SLC24A4: variants seen among roughly 807,000 people sequenced by gnomAD.
SLC24A4 encodes solute carrier family 24 member 4, also known as sodium/potassium/calcium exchanger 4.
In SLC24A4, 53 loss-of-function variants were observed where a neutral mutation model predicts 79.0. That is an observed-to-expected ratio of 0.67 (90% CI 0.54 to 0.84). SLC24A4 has a LOEUF of 0.84. Among genes scored for constraint, SLC24A4 ranks in the 40% least tolerant of loss-of-function variants. The probability of loss-of-function intolerance (pLI) is 0.00; values close to 1 mark genes in which losing one functional copy is unlikely to be tolerated. For synonymous variants in SLC24A4, 323 were observed against 323.8 expected (o/e 1.00, Z 0.03); for missense variants, 731 against 822.0 (o/e 0.89, Z 1.35).
chr14:92,384,747 T>G, intron 2 of SLC24A4, among the ~76,000 whole-genome samples: 1 of 152,290 alleles, frequency 6.6e-6, no homozygotes, highest in Non-Finnish European at 1.5e-5. Context: ...AGTGACCTAC[T>G]GGCAGGATGC....
At chr14:92,479,505 A>C (rs1415469792) in intron 12 of SLC24A4, among the ~76,000 whole-genome samples, 2 of 152,218 alleles carry the variant, frequency 1.3e-5, no homozygotes, top group African/African-American at 4.8e-5. Context: ...AATGTTTTAC[A>C]TTGATTGAAT....
intron 2 of SLC24A4, among the ~76,000 whole-genome samples, chr14:92,341,281 G>A (rs1170035300): frequency 2.6e-5 from 4 of 152,168 alleles, no homozygotes; most frequent in Admixed American, 6.5e-5. Flanking sequence ...GCCTGACCCT[G>A]GGGACGTGAA....
At chr14:92,343,653 T>TTCCTTCCCTCCTTCC in intron 2 of SLC24A4, among the ~76,000 whole-genome samples, 1 of 34,256 alleles carries the variant, frequency 2.9e-5, no homozygotes, top group Non-Finnish European at 7.9e-5. Flanking sequence ...TCTTTCCTTC[T>TTCCTTCCCTCCTTCC]TTCCTTCCTT....
chr14:92,402,846 T>G (rs1890182537), intron 2 of SLC24A4, among the ~76,000 whole-genome samples: 1 of 152,132 alleles, frequency 6.6e-6, no homozygotes, highest in Non-Finnish European at 1.5e-5. Context: ...CTACAACACC[T>G]GGGAATTCGA....
At chr14:92,362,239 TC>T (rs1262924952) in intron 2 of SLC24A4, among the ~76,000 whole-genome samples, 1 of 81,678 alleles carries the variant, frequency 1.2e-5, no homozygotes, top group African/African-American at 3.5e-5. Context: ...TCCAGCCTTT[TC>T]CTCCCCGGCT....
intron 12 of SLC24A4, among the ~76,000 whole-genome samples, chr14:92,464,776 T>C (rs1894009148): frequency 6.6e-6 from 1 of 152,248 alleles, no homozygotes; most frequent in Non-Finnish European, 1.5e-5. Context: ...TCACGCTTCA[T>C]ACGTCCCCTT....
intron 2 of SLC24A4, among the ~76,000 whole-genome samples, chr14:92,427,084 C>T (rs1891603480): frequency 6.6e-6 from 1 of 152,362 alleles, no homozygotes; most frequent in Non-Finnish European, 1.5e-5. Flanking sequence ...TCACAGAAAG[C>T]ACATCTCTGT....
At chr14:92,470,375 A>ATCCCTT (rs1392672351) in intron 12 of SLC24A4, among the ~76,000 whole-genome samples, 1 of 152,196 alleles carries the variant, frequency 6.6e-6, no homozygotes, top group African/African-American at 2.4e-5. Flanking sequence ...GCATCCCTGC[A>ATCCCTT]AACCACAGGT....
rs574991835 is a variant in SLC24A4 at position 92,404,536 on chromosome 14, G to A, written c.242-29376G>A. Among the ~76,000 whole-genome samples the A allele has an allele frequency of 3.9e-5, 6 of 152,236 alleles. No individual in the cohort carries two copies. The South Asian group carries it at 1.0e-3, about 26-fold the overall frequency. On this transcript the variant is annotated intron_variant, in intron 2 of 16. Transcript: ENST00000532405. ...GGGCCTCTTCCTTTTCTCCAACACAGCAGCATGTCAGCCCTGGCTGTTCCT... is the reference window on the plus strand; with the variant it reads ...GGGCCTCTTCCTTTTCTCCAACACAACAGCATGTCAGCCCTGGCTGTTCCT...
At chr14:92,424,136 C>A (rs12882226) in intron 2 of SLC24A4, among the ~76,000 whole-genome samples, 1 of 152,158 alleles carries the variant, frequency 6.6e-6, no homozygotes, top group East Asian at 1.9e-4. Context: ...TCATTGGATT[C>A]GGGGTCCCCT....
At chr14:92,458,204 C>T (rs1893592340) in intron 12 of SLC24A4, among the ~76,000 whole-genome samples, 1 of 152,176 alleles carries the variant, frequency 6.6e-6, no homozygotes, top group Non-Finnish European at 1.5e-5. Flanking sequence ...TGGGAGCTGG[C>T]TGGGTTCAGA....
chr14:92,449,680 G>C (rs1295601753), intron 10 of SLC24A4, among the ~76,000 whole-genome samples: 1 of 152,182 alleles, frequency 6.6e-6, no homozygotes, highest in Non-Finnish European at 1.5e-5. Context: ...ACAAAGCATG[G>C]GTTCTCGGGC....
chr14:92,474,863 A>ATATATATATATAT lies in SLC24A4; in HGVS notation c.1256-7816_1256-7815insATATATATATATT, dbSNP rs36185636. 2.6e-3 allele frequency among the ~76,000 whole-genome samples: 147 copies of ATATATATATATAT among 57,108 alleles called. 8 individuals are homozygous for ATATATATATATAT. Among genetic ancestry groups the ATATATATATATAT allele is most frequent in the East Asian group, 0.013 (27 of 2,118 alleles). 37.5% of individuals were successfully genotyped at this position (57,108 alleles called of 152,430 possible). The stretch of plus-strand genomic sequence containing the variant: ...TGTGTGTATATATATATATATATAT[A>ATATATATATATAT]TTTTTTTTTTTTTTAGTAGACACAG... On this transcript the variant is annotated intron_variant, in intron 12 of 16. Transcript: ENST00000532405.
At chr14:92,435,049 C>T (rs1019517956) in intron 3 of SLC24A4, among the ~76,000 whole-genome samples, 2 of 152,210 alleles carry the variant, frequency 1.3e-5, no homozygotes. Flanking sequence ...GCTGGGACTA[C>T]AGGTGTGAGC....
chr14:92,392,026 A>G lies in SLC24A4; in HGVS notation c.242-41886A>G, dbSNP rs75584863. 9.9e-3 allele frequency among the ~76,000 whole-genome samples: 1,507 copies of G among 152,226 alleles called. 35 individuals carry two copies. The highest frequency in any genetic ancestry group is 0.035 in the African/African-American group (1,439 of 41,530). ...CCACTTCCCTTGGAGCCACCAGCCCAGGCAGCAACATCACCACCAGCCCTG... is the reference window on the plus strand; with the variant it reads ...CCACTTCCCTTGGAGCCACCAGCCCGGGCAGCAACATCACCACCAGCCCTG... On this transcript the variant is annotated intron_variant, in intron 2 of 16. Coordinates refer to ENST00000532405, the MANE Select transcript of SLC24A4 (RefSeq NM_153646.4).
At chr14:92,442,427 G>A (rs1892549854) in intron 5 of SLC24A4, among the ~76,000 whole-genome samples, 1 of 152,150 alleles carries the variant, frequency 6.6e-6, no homozygotes. Context: ...ACAATTCTGT[G>A]AATATACTAA....
chr14:92,482,155 A>T (rs1436073894), intron 12 of SLC24A4, among the ~76,000 whole-genome samples: 1 of 152,248 alleles, frequency 6.6e-6, no homozygotes, highest in Non-Finnish European at 1.5e-5. Flanking sequence ...AACAACCAAG[A>T]AGGAGATACC....
chr14:92,373,233 G>C (rs914269110), intron 2 of SLC24A4, among the ~76,000 whole-genome samples: 4 of 149,552 alleles, frequency 2.7e-5, no homozygotes, highest in African/African-American at 9.8e-5. Context: ...TAGTAGAAAC[G>C]GGGTTTCACC....
At chr14:92,324,231 G>T (rs1180331692) in intron 1 of SLC24A4, among the ~76,000 whole-genome samples, 1 of 152,202 alleles carries the variant, frequency 6.6e-6, no homozygotes, top group Non-Finnish European at 1.5e-5. Flanking sequence ...AGCAAGAACC[G>T]CTTCCGTCCC....
Sources: gnomAD v4.1 joint callset for allele counts (sites outside exome capture counted in the v4.1 genomes callset) on GRCh38, gnomAD v4.1.1 for gene constraint, MANE v1.5 for transcripts, NCBI Gene and HGNC (gene_info 2026-07-23, HGNC 2026-07-21) for gene names.